Variants in CD55 observed in about 807,000 individuals in gnomAD.
The protein encoded by CD55 is CD55 molecule (Cromer blood group).
In CD55, 41 loss-of-function variants were observed where a neutral mutation model predicts 45.8. The observed-to-expected ratio is 0.90, with a 90% CI of 0.70 to 1.16. The LOEUF (loss-of-function observed/expected upper bound fraction) is 1.16. CD55 is among the 50% of genes most tolerant of loss of function. The pLI, the probability that CD55 is intolerant of heterozygous loss-of-function variation, is 0.00. For synonymous variants in CD55, 181 were observed against 181.1 expected (o/e 1.00, Z 0.01); for missense variants, 416 against 469.8 (o/e 0.89, Z 1.06).
At chr1:207,348,212 A>G (rs1489074784) in intron 9 of CD55, among the ~76,000 whole-genome samples, 2 of 152,118 alleles carry the variant, frequency 1.3e-5, no homozygotes, top group Non-Finnish European at 2.9e-5. Flanking sequence ...TCTGTTTTCC[A>G]CAACCTTACC....
intron 9 of CD55, among the ~76,000 whole-genome samples, chr1:207,343,814 A>T (rs1276815813): frequency 1.3e-5 from 2 of 152,190 alleles, no homozygotes; most frequent in Admixed American, 1.3e-4. Context: ...AGATTGGACA[A>T]TATTTGCTTT....
chr1:207,334,347 T>C (rs926943220), intron 6 of CD55, among the ~76,000 whole-genome samples: 1 of 152,018 alleles, frequency 6.6e-6, no homozygotes, highest in Non-Finnish European at 1.5e-5. Flanking sequence ...CAAGAAAACT[T>C]TGCACTAGCA....
chr1:207,336,263 A>G (rs2102406008), intron 6 of CD55, among the ~76,000 whole-genome samples: 1 of 152,306 alleles, frequency 6.6e-6, no homozygotes, highest in East Asian at 1.9e-4. Flanking sequence ...ACAAATTCTC[A>G]GGCTCATTAA....
In CD55 at chr1:207,357,420, G is replaced by A. The variant is rs369716474; in HGVS notation, c.1082-2126G>A. On this transcript the variant is annotated intron_variant, in intron 9 of 9. Coordinates refer to ENST00000367064, the MANE Select transcript of CD55 (RefSeq NM_000574.5). ...AAAAAAATAAAACCACCAATCTTAC[G>A]TACTTTCTTGTACTTGTTCCAACTT... 1.4e-4 allele frequency among the ~76,000 whole-genome samples: 22 copies of A among 152,086 alleles called. 1 individual carries two copies. In the East Asian group the frequency reaches 3.7e-3, roughly 25 times the overall value.
intron 2 of CD55, 93 bp from the exon 3 acceptor site, chr1:207,324,464 GAA>G (rs2102379441): frequency 1.3e-6 from 1 of 740,806 alleles, no homozygotes; most frequent in African/African-American, 1.8e-5. Context: ...AAGCAGTAAA[GAA>G]AGGGGGTTAT....
chr1:207,349,014 T>A (rs1045890495), intron 9 of CD55, among the ~76,000 whole-genome samples: 1 of 152,168 alleles, frequency 6.6e-6, no homozygotes, highest in African/African-American at 2.4e-5. Context: ...TCCAGCTTTG[T>A]TCTTTTTACT....
In CD55 at chr1:207,323,298, T is replaced by C. The variant is rs539723749; in HGVS notation, c.286+731T>C. The stretch of plus-strand genomic sequence containing the variant: ...ATATATATATATAGGGAGAGAGATA[T>C]ATATAGGGAGAGAGAGATGTATAAA... On this transcript the variant is annotated intron_variant, in intron 2 of 9. Transcript: ENST00000367064. Among the ~76,000 whole-genome samples, 6 of 151,546 alleles carry C rather than the reference T, an allele frequency of 4.0e-5. No individual in the cohort carries two copies. The South Asian group carries it at 1.2e-3, about 31-fold the overall frequency.
At chr1:207,325,578 C>A (rs767161033) in intron 3 of CD55, 44 bp from the exon 4 acceptor site, 2 of 1,206,838 alleles carry the variant, frequency 1.7e-6, no homozygotes, top group South Asian at 1.3e-5. Context: ...TGTGTGTATG[C>A]CTGATAATTT....
chr1:207,352,986 C>T (rs1265897445), intron 9 of CD55, among the ~76,000 whole-genome samples: 3 of 147,580 alleles, frequency 2.0e-5, no homozygotes, highest in Admixed American at 6.8e-5. Context: ...ACTTGCCTTT[C>T]ACAGAGCTAG....
chr1:207,346,191 C>T (rs546335164), intron 9 of CD55, among the ~76,000 whole-genome samples: 2 of 152,146 alleles, frequency 1.3e-5, no homozygotes, highest in Middle Eastern at 3.2e-3. Flanking sequence ...GCTGTGGGTG[C>T]GGTGATTGGG....
At chr1:207,340,953 GTC>G (rs1655401367) in intron 9 of CD55, among the ~76,000 whole-genome samples, 1 of 152,014 alleles carries the variant, frequency 6.6e-6, no homozygotes, top group Non-Finnish European at 1.5e-5. Context: ...CCTCACCAGC[GTC>G]TGTTATTTTT....
chr1:207,322,060 T>C (rs1425591790), intron 1 of CD55, among the ~76,000 whole-genome samples, 195 bp downstream of exon 1: 1 of 152,206 alleles, frequency 6.6e-6, no homozygotes, highest in Non-Finnish European at 1.5e-5. Flanking sequence ...GGCCCCCAGC[T>C]GACTTGGCTT....
In CD55 at chr1:207,326,886, A is replaced by G. The variant is rs769500039; in HGVS notation, c.664+49A>G. The G allele has an allele frequency of 7.0e-6, 9 of 1,281,624 alleles. No homozygotes were observed. The South Asian group carries it at 8.6e-5, about 12-fold the overall frequency. The allele number at this position is 1,281,624 out of a possible 1,614,324, so 79.4% of individuals were successfully genotyped here. A position where few individuals can be genotyped will look rare whatever the true frequency, so the allele number is the denominator to read the frequency against. On this transcript the variant is annotated intron_variant, in intron 5 of 9. Transcript: ENST00000367064. ...CTCAGATTGTGAGGCTGAGTACTCAATGATAAATTAATTTCTGCCCCTTAA... is the reference window on the plus strand; with the variant it reads ...CTCAGATTGTGAGGCTGAGTACTCAGTGATAAATTAATTTCTGCCCCTTAA...
chr1:207,350,351 T>C (rs954049276), intron 9 of CD55, among the ~76,000 whole-genome samples: 1 of 152,198 alleles, frequency 6.6e-6, no homozygotes, highest in African/African-American at 2.4e-5. Flanking sequence ...TGCCAGATTT[T>C]GGTATCAGTG....
chr1:207,325,640 C>G lies in CD55; in HGVS notation c.497C>G (p.Pro166Arg). The change falls in exon 4 of 10, where the codon CCG becomes CGG. Residue 166 changes from proline to arginine, a missense_variant. By Grantham distance (103) the Pro-to-Arg change is moderately radical. Around this residue, in one of 3 missense-constraint regions of CD55, gnomAD observed 111 missense variants for 163.4 expected, o/e 0.68. Transcript: ENST00000367064. ...EFCKKKSCPN[P>R]GEIRNGQIDV... ...ATTCTAGAGAAATCATGCCCTAATC[C>G]GGGAGAAATACGAAATGGTCAGATT... The G allele has an allele frequency of 6.2e-7, 1 of 1,606,384 alleles. No individual in the cohort carries two copies. The highest frequency in any genetic ancestry group is 8.5e-7 in the Non-Finnish European group (1 of 1,174,510).
chr1:207,336,648 C>T, intron 6 of CD55, 45 bp from the exon 7 acceptor site: 1 of 1,606,670 alleles, frequency 6.2e-7, no homozygotes, highest in Non-Finnish European at 8.5e-7. Context: ...GTTAATGTGG[C>T]CAGCAATATT....
chr1:207,357,293 G>T (rs1198697731), intron 9 of CD55, among the ~76,000 whole-genome samples: 2 of 151,904 alleles, frequency 1.3e-5, no homozygotes, highest in Non-Finnish European at 2.9e-5. Context: ...AGATATATCA[G>T]AAACGTTTTA....
At chr1:207,328,047 C>CA (rs1438370749) in intron 5 of CD55, among the ~76,000 whole-genome samples, 1 of 152,210 alleles carries the variant, frequency 6.6e-6, no homozygotes, top group Non-Finnish European at 1.5e-5. Flanking sequence ...TTCAGACAAA[C>CA]AGTCTCCCAT....
At chr1:207,321,909 G>A in intron 1 of CD55, 44 bp downstream of exon 1, 3 of 1,384,830 alleles carry the variant, frequency 2.2e-6, no homozygotes, top group East Asian at 2.6e-5. Flanking sequence ...GGGCTGGGTG[G>A]GAGGTCCAAG....
Sources: gnomAD v4.1 joint callset for allele counts (sites outside exome capture counted in the v4.1 genomes callset) on GRCh38, gnomAD v4.1.1 for gene constraint, gnomAD v4.1.1 regional missense constraint, MANE v1.5 for transcripts, NCBI Gene and HGNC (gene_info 2026-07-23, HGNC 2026-07-21) for gene names.